LMO7: variants seen among roughly 807,000 people sequenced by gnomAD.
The protein encoded by LMO7 is LIM domain only protein 7.
A neutral mutation model predicts 206.5 loss-of-function variants in LMO7; 120 were observed. The ratio of observed to expected loss-of-function variants is 0.58; its 90% confidence interval spans 0.50 to 0.68. LMO7 has a LOEUF of 0.68. Ranked by LOEUF, LMO7 falls within the 30% of genes least tolerant of loss-of-function variation. LMO7 has a pLI of 0.00. For synonymous variants in LMO7, 706 were observed against 681.5 expected, an observed-to-expected ratio of 1.04 and a Z score of -0.56; for missense variants, 1,959 against 1,957.9, an observed-to-expected ratio of 1.00 and a Z score of -0.01.
At chr13:75,799,503 T>C (rs1281296694) in intron 6 of LMO7, among the ~76,000 whole-genome samples, 3 of 152,196 alleles carry the variant, frequency 2.0e-5, no homozygotes, top group Non-Finnish European at 4.4e-5. Flanking sequence ...TCTATGTAGC[T>C]ACAGTGTTTA....
chr13:75,726,533 A>G (rs2138578071), intron 2 of LMO7, among the ~76,000 whole-genome samples: 1 of 152,180 alleles, frequency 6.6e-6, no homozygotes, highest in Middle Eastern at 3.4e-3. Context: ...TGAGTTACCA[A>G]TAAAAACTAG....
At position 75,682,829 on chromosome 13, in the gene LMO7, C is replaced by A. The variant is rs528800541; in HGVS notation, c.70-30353C>A. On this transcript the variant is annotated intron_variant, in intron 1 of 30. Transcript: ENST00000377534. ...ACTACAATAAGAGCCTAATAAATGTCCATTGAATTAATCCACAAGGCTTAT... is the reference window on the plus strand; with the variant it reads ...ACTACAATAAGAGCCTAATAAATGTACATTGAATTAATCCACAAGGCTTAT... Among the ~76,000 whole-genome samples, 3 of 152,250 alleles carry A rather than the reference C, an allele frequency of 2.0e-5. No homozygotes were observed. In the East Asian group the frequency reaches 5.8e-4, roughly 29 times the overall value.
chr13:75,855,169 T>G (rs544850187), intron 28 of LMO7, 91 bp from the exon 29 acceptor site: 11 of 730,478 alleles, frequency 1.5e-5, no homozygotes, highest in African/African-American at 1.4e-4. Context: ...TCTTAAATTA[T>G]TATCAGTGTT....
In LMO7 at chr13:75,836,399, T is replaced by C. The variant is rs1472248466; in HGVS notation, c.3336T>C (p.Asn1112=). Residue 1112 remains asparagine, a splice_region_variant and synonymous_variant, in exon 19 of 31, where the codon AAT becomes AAC. Coordinates refer to ENST00000377534, the MANE Select transcript of LMO7 (RefSeq NM_001306080.2). ...ACTAGCATTTTTACCCTTTCCAGAA[T>C]ATTGAATCCAAAGAAATCAATGGAA... The part of the protein sequence containing the change: ...TDFSESLQSS[N]IESKEINGIH... 3.9e-6 allele frequency: 6 copies of C among 1,536,154 alleles called. No homozygotes were observed. Among genetic ancestry groups the C allele is most frequent in the Non-Finnish European group, 5.3e-6 (6 of 1,123,562 alleles).
chr13:75,825,091 T>A (rs2057987362), intron 15 of LMO7, among the ~76,000 whole-genome samples: 1 of 152,190 alleles, frequency 6.6e-6, no homozygotes, highest in Non-Finnish European at 1.5e-5. Flanking sequence ...TTTGTTTTTT[T>A]TTCCCATGCA....
chr13:75,831,133 C>A (rs1225936002), intron 15 of LMO7, among the ~76,000 whole-genome samples: 1 of 151,982 alleles, frequency 6.6e-6, no homozygotes, highest in Non-Finnish European at 1.5e-5. Context: ...TTATTATATT[C>A]TTCAGATTGG....
chr13:75,845,837 A>G (rs752776816), intron 26 of LMO7, among the ~76,000 whole-genome samples: 3 of 152,250 alleles, frequency 2.0e-5, no homozygotes, highest in Non-Finnish European at 4.4e-5. Context: ...TTGTCAGTAT[A>G]AAATATGTTT....
chr13:75,701,395 G>C (rs991589708), intron 1 of LMO7, among the ~76,000 whole-genome samples: 1 of 152,202 alleles, frequency 6.6e-6, no homozygotes, highest in Admixed American at 6.5e-5. Flanking sequence ...ACATGTGATA[G>C]AGATGTACCA....
intron 3 of LMO7, among the ~76,000 whole-genome samples, chr13:75,751,078 G>C (rs576300723): frequency 6.6e-6 from 1 of 151,252 alleles, no homozygotes; most frequent in East Asian, 1.9e-4. Context: ...GAAAGGAGTC[G>C]AGGTCACCTA....
chr13:75,740,966 G>T (rs2139167578), intron 3 of LMO7, among the ~76,000 whole-genome samples: 1 of 152,262 alleles, frequency 6.6e-6, no homozygotes, highest in South Asian at 2.1e-4. Flanking sequence ...TCACCTATCA[G>T]TGTATTGGAG....
chr13:75,721,891 G>A (rs1036981989), intron 2 of LMO7, among the ~76,000 whole-genome samples: 1 of 152,160 alleles, frequency 6.6e-6, no homozygotes, highest in African/African-American at 2.4e-5. Flanking sequence ...AAAGAACCCA[G>A]AAATAAAGCC....
At chr13:75,855,082 A>C (rs927335951) in intron 28 of LMO7, 178 bp from the exon 29 acceptor site, 12 of 524,336 alleles carry the variant, frequency 2.3e-5, no homozygotes, top group Non-Finnish European at 4.1e-5. Context: ...GAGATGGTTC[A>C]AAGTTAGAGT....
chr13:75,690,774 A>G (rs1477202342), intron 1 of LMO7, among the ~76,000 whole-genome samples: 2 of 152,348 alleles, frequency 1.3e-5, no homozygotes, highest in South Asian at 2.1e-4. Flanking sequence ...GTGGTTTTCA[A>G]TAAAATTGGA....
intron 4 of LMO7, among the ~76,000 whole-genome samples, chr13:75,790,545 C>CT (rs996195326): frequency 1.3e-5 from 2 of 152,150 alleles, no homozygotes; most frequent in African/African-American, 4.8e-5. Flanking sequence ...TCTATGTAGA[C>CT]TTTTTTACCC....
At chr13:75,763,408 G>A (rs1461078729) in intron 4 of LMO7, among the ~76,000 whole-genome samples, 1 of 152,170 alleles carries the variant, frequency 6.6e-6, no homozygotes, top group East Asian at 1.9e-4. Flanking sequence ...TACTGACTAT[G>A]ACACCTTTGA....
At chr13:75,733,557 C>T (rs990609839) in intron 3 of LMO7, among the ~76,000 whole-genome samples, 1 of 152,198 alleles carries the variant, frequency 6.6e-6, no homozygotes, top group Non-Finnish European at 1.5e-5. Flanking sequence ...GGAAAGGGAA[C>T]TCCCTGACCC....
At chr13:75,822,931 C>T (rs1000622728) in intron 14 of LMO7, among the ~76,000 whole-genome samples, 2 of 151,392 alleles carry the variant, frequency 1.3e-5, no homozygotes, top group Non-Finnish European at 2.9e-5. Flanking sequence ...ATATTTGTTG[C>T]AGTAGTTTTG....
At chr13:75,742,957 T>G (rs545523643) in intron 3 of LMO7, among the ~76,000 whole-genome samples, 58 of 151,934 alleles carry the variant, frequency 3.8e-4, no homozygotes, top group African/African-American at 1.4e-3. Context: ...TGGGAGAAAA[T>G]TTTTGCAAAC....
intron 1 of LMO7, among the ~76,000 whole-genome samples, chr13:75,690,173 G>A (rs9573614): frequency 0.072 from 10,871 of 151,694 alleles, 717 homozygotes; most frequent in African/African-American, 0.17. Flanking sequence ...GGCCTCAAGC[G>A]ATCTTTTCAT....
Sources: gnomAD v4.1 joint callset for allele counts (sites outside exome capture counted in the v4.1 genomes callset) on GRCh38, gnomAD v4.1.1 for gene constraint, MANE v1.5 for transcripts, NCBI Gene and HGNC (gene_info 2026-07-23, HGNC 2026-07-21) for gene names.